Variants in VOPP1 observed in about 807,000 individuals in gnomAD.
VOPP1 encodes the protein WW domain binding protein VOPP1.
Under a neutral mutation model 23.5 loss-of-function variants are expected in VOPP1, and 8 were observed. The observed-to-expected ratio is 0.34, with a 90% CI of 0.20 to 0.61. VOPP1 has a LOEUF of 0.61. VOPP1 is among the 20% of genes least tolerant of loss of function. The pLI is 0.78. For synonymous variants in VOPP1, 83 were observed against 97.3 expected (o/e 0.85, Z 0.86); for missense variants, 174 against 238.1 (o/e 0.73, Z 1.77).
chr7:55,458,233 T>C (rs1277205608), intron 4 of VOPP1, among the ~76,000 whole-genome samples: 1 of 152,188 alleles, frequency 6.6e-6, no homozygotes, highest in African/African-American at 2.4e-5. Context: ...CAGTTGGTGG[T>C]AAATATATGT....
At chr7:55,508,903 A>T (rs1409958015) in intron 2 of VOPP1, among the ~76,000 whole-genome samples, 1 of 152,228 alleles carries the variant, frequency 6.6e-6, no homozygotes, top group East Asian at 1.9e-4. Flanking sequence ...AATTAGCCAG[A>T]CGTGGTAGCA....
At chr7:55,445,202 T>TACACACACACACAG (rs771942315) in intron 4 of VOPP1, among the ~76,000 whole-genome samples, 3 of 144,162 alleles carry the variant, frequency 2.1e-5, no homozygotes, top group African/African-American at 7.6e-5. Flanking sequence ...TCACTTTCTC[T>TACACACACACACAG]ACACACACAC....
chr7:55,451,659 C>A (rs755261336), intron 4 of VOPP1, among the ~76,000 whole-genome samples: 2 of 152,086 alleles, frequency 1.3e-5, no homozygotes, highest in African/African-American at 2.4e-5. Flanking sequence ...GGCGTGCTGG[C>A]GGGTGCCTGT....
chr7:55,511,794 A>G (rs1033255782), intron 2 of VOPP1, among the ~76,000 whole-genome samples: 2 of 152,168 alleles, frequency 1.3e-5, no homozygotes, highest in African/African-American at 2.4e-5. Flanking sequence ...ATGATATCTC[A>G]TGTCTGCCTA....
At chr7:55,530,091 G>A (rs1237421909) in intron 1 of VOPP1, among the ~76,000 whole-genome samples, 4 of 152,016 alleles carry the variant, frequency 2.6e-5, no homozygotes, top group African/African-American at 7.3e-5. Context: ...GAATGGGTAC[G>A]TACATTCCAC....
At chr7:55,477,524 C>G (rs554921817) in intron 4 of VOPP1, among the ~76,000 whole-genome samples, 3 of 152,308 alleles carry the variant, frequency 2.0e-5, no homozygotes, top group Admixed American at 2.0e-4. Flanking sequence ...AGGATCCCAA[C>G]CCCCTGCTGC....
intron 2 of VOPP1, among the ~76,000 whole-genome samples, chr7:55,504,406 A>C (rs192254399): frequency 6.6e-6 from 1 of 152,350 alleles, no homozygotes; most frequent in African/African-American, 2.4e-5. Context: ...AGAACCCTAT[A>C]AAGTTTCAGC....
At chr7:55,533,094 A>G (rs979711724) in intron 1 of VOPP1, among the ~76,000 whole-genome samples, 3 of 152,172 alleles carry the variant, frequency 2.0e-5, no homozygotes, top group African/African-American at 7.2e-5. Context: ...GACTGAGAAC[A>G]TATGTGCCAG....
At chr7:55,457,877 T>A (rs1791408398) in intron 4 of VOPP1, among the ~76,000 whole-genome samples, 1 of 152,178 alleles carries the variant, frequency 6.6e-6, no homozygotes. Context: ...TGCACATATT[T>A]TCCTGTTCTA....
intron 4 of VOPP1, among the ~76,000 whole-genome samples, chr7:55,478,886 A>T (rs1792474686): frequency 6.6e-6 from 1 of 152,194 alleles, no homozygotes; most frequent in Non-Finnish European, 1.5e-5. Flanking sequence ...TCCAGTGGAC[A>T]CTGTTGCATC....
intron 2 of VOPP1, chr7:55,516,053 T>C (rs541956771): frequency 1.0e-6 from 1 of 984,882 alleles, no homozygotes; most frequent in African/African-American, 1.7e-5. Context: ...GAGGAGAGAA[T>C]GCAAGCCAAG....
chr7:55,511,481 T>C (rs1795067130), intron 2 of VOPP1, among the ~76,000 whole-genome samples: 1 of 152,216 alleles, frequency 6.6e-6, no homozygotes, highest in African/African-American at 2.4e-5. Flanking sequence ...AAAATTTGTT[T>C]AGGAGCACAG....
At chr7:55,496,513 G>C (rs902900222) in intron 3 of VOPP1, among the ~76,000 whole-genome samples, 3 of 152,186 alleles carry the variant, frequency 2.0e-5, no homozygotes, top group Non-Finnish European at 4.4e-5. Flanking sequence ...CCCTTGTTAG[G>C]GGGGTACACC....
chr7:55,520,650 C>A (rs774028493), intron 2 of VOPP1, among the ~76,000 whole-genome samples: 7 of 152,188 alleles, frequency 4.6e-5, no homozygotes, highest in Non-Finnish European at 1.0e-4. Context: ...TGATTTCCTA[C>A]ACATACGCAC....
At chr7:55,467,937 C>T (rs755995608), downstream of VOPP1, among the ~76,000 whole-genome samples, 1 of 152,316 alleles carries the variant, frequency 6.6e-6, no homozygotes, top group African/African-American at 2.4e-5. Flanking sequence ...TTTCAGAATA[C>T]GTACTGAAGT....
At chr7:55,500,540 C>G (rs1032436926) in intron 2 of VOPP1, among the ~76,000 whole-genome samples, 4 of 151,884 alleles carry the variant, frequency 2.6e-5, no homozygotes, top group African/African-American at 4.8e-5. Context: ...AGCCCAGAAC[C>G]CAAATGTGCT....
Position 55,497,604 on chromosome 7 carries a change from G to C in VOPP1, c.191+9C>G. The C allele has an allele frequency of 6.6e-7, 1 of 1,511,058 alleles. No homozygotes were observed. Among genetic ancestry groups the C allele is most frequent in the Non-Finnish European group, 9.1e-7 (1 of 1,096,150 alleles). 93.6% of individuals were successfully genotyped at this position (1,511,058 alleles called of 1,614,324 possible). A position where few individuals can be genotyped will look rare whatever the true frequency, so the allele number is the denominator to read the frequency against. On this transcript the variant is annotated intron_variant, in intron 3 of 4. Transcript: ENST00000285279. Reference sequence around the variant, plus strand: ...TCGGGGTAGGGAACAAGGAGGAGTTGTGACCTACCAGAAGTACCACAGCCT... The same window carrying C: ...TCGGGGTAGGGAACAAGGAGGAGTTCTGACCTACCAGAAGTACCACAGCCT...
chr7:55,568,848 T>C (rs552863031), intron 1 of VOPP1, among the ~76,000 whole-genome samples: 1 of 152,336 alleles, frequency 6.6e-6, no homozygotes, highest in African/African-American at 2.4e-5. Context: ...GAGAATAACT[T>C]CAGCAGGGCT....
intron 1 of VOPP1, among the ~76,000 whole-genome samples, chr7:55,558,061 G>A (rs901346852): frequency 6.6e-6 from 1 of 152,194 alleles, no homozygotes; most frequent in Non-Finnish European, 1.5e-5. Context: ...GGGGTTGGGA[G>A]GAGGGGAAAT....
Sources: gnomAD v4.1 joint callset for allele counts (sites outside exome capture counted in the v4.1 genomes callset) on GRCh38, gnomAD v4.1.1 for gene constraint, MANE v1.5 for transcripts, NCBI Gene and HGNC (gene_info 2026-07-23, HGNC 2026-07-21) for gene names.